NHS: variants seen among roughly 807,000 people sequenced by gnomAD.
The protein encoded by NHS is NHS actin remodeling regulator.
Under a neutral mutation model 72.5 loss-of-function variants are expected in NHS, and 5 were observed. The ratio of observed to expected loss-of-function variants is 0.07; its 90% CI spans 0.04 to 0.14. NHS has a LOEUF of 0.14. NHS is among the 10% of genes least tolerant of loss of function. NHS has a pLI of 1.00. For missense variants in NHS, 1,072 were observed against 1,355.7 expected (o/e 0.79, Z 3.29); for synonymous variants, 464 against 547.7 (o/e 0.85, Z 2.13).
chrX:17,605,859 G>T (rs754374555), intron 1 of NHS, among the ~76,000 whole-genome samples: 1 of 111,920 alleles, frequency 8.9e-6, no homozygotes, highest in Non-Finnish European at 1.9e-5. Context: ...TAACTTTCCA[G>T]CTCTGTTGCC....
At chrX:17,560,790 T>A (rs916130087) in intron 1 of NHS, among the ~76,000 whole-genome samples, 2 of 112,548 alleles carry the variant, frequency 1.8e-5, no homozygotes, top group East Asian at 5.6e-4. Context: ...GGTGATCACA[T>A]TCTTTAGACA....
chrX:17,450,981 T>G (rs985698564), intron 1 of NHS, among the ~76,000 whole-genome samples: 2 of 112,272 alleles, frequency 1.8e-5, no homozygotes, highest in African/African-American at 3.2e-5. Context: ...AAAAGATGGC[T>G]ATTAAGTACT....
intron 1 of NHS, among the ~76,000 whole-genome samples, chrX:17,390,733 A>C (rs1191111752): frequency 8.9e-6 from 1 of 112,356 alleles, no homozygotes; most frequent in African/African-American, 3.2e-5. Flanking sequence ...TCATCTGGCA[A>C]ACTTTTAGCC....
intron 1 of NHS, among the ~76,000 whole-genome samples, chrX:17,409,878 A>T (rs2064549146): frequency 8.9e-6 from 1 of 111,879 alleles, no homozygotes; most frequent in African/African-American, 3.3e-5. Context: ...TGGGGTAATA[A>T]TGAGGCCTAG....
chrX:17,403,266 C>T (rs961734803), intron 1 of NHS, among the ~76,000 whole-genome samples: 4 of 112,115 alleles, frequency 3.6e-5, no homozygotes, highest in Non-Finnish European at 7.5e-5. Flanking sequence ...CATGGCCACA[C>T]CTAACTGCAG....
chrX:17,492,026 CTTCT>C (rs1338926321), intron 1 of NHS, among the ~76,000 whole-genome samples: 1 of 110,088 alleles, frequency 9.1e-6, no homozygotes, highest in Non-Finnish European at 1.9e-5. Flanking sequence ...TTTCTCTTTT[CTTCT>C]TTATTAGTCT....
intron 1 of NHS, among the ~76,000 whole-genome samples, chrX:17,550,281 G>C (rs1489451936): frequency 8.9e-6 from 1 of 112,000 alleles, no homozygotes; most frequent in African/African-American, 3.3e-5. Context: ...ACTTGGCATT[G>C]CCTCTCAGAG....
At chrX:17,610,012 A>G (rs752957263) in intron 1 of NHS, among the ~76,000 whole-genome samples, 8 of 112,193 alleles carry the variant, frequency 7.1e-5, no homozygotes, top group Non-Finnish European at 1.1e-4. Context: ...TTGGAAGTCC[A>G]TCAGCATGTT....
chrX:17,599,751 G>A (rs1488587745), intron 1 of NHS, among the ~76,000 whole-genome samples: 2 of 111,053 alleles, frequency 1.8e-5, no homozygotes, highest in African/African-American at 3.3e-5. Flanking sequence ...ATTATTTAAC[G>A]GGATGGGTTG....
intron 1 of NHS, among the ~76,000 whole-genome samples, chrX:17,548,254 G>A (rs1165298895): frequency 9.0e-6 from 1 of 111,273 alleles, no homozygotes; most frequent in Non-Finnish European, 1.9e-5. Context: ...AAATGGTGAG[G>A]CCATTAAGAG....
At chrX:17,477,900 C>T (rs903095255) in intron 1 of NHS, among the ~76,000 whole-genome samples, 2 of 111,598 alleles carry the variant, frequency 1.8e-5, no homozygotes, top group African/African-American at 6.5e-5. Context: ...TTTTTGCAAA[C>T]AATCTACCAT....
chrX:17,712,799 C>A (rs1261280388), intron 3 of NHS, among the ~76,000 whole-genome samples: 1 of 110,847 alleles, frequency 9.0e-6, no homozygotes, highest in Non-Finnish European at 1.9e-5. Flanking sequence ...TTAAGGATGG[C>A]ATGCCAGGTG....
chrX:17,490,749 A>G (rs1208896010), intron 1 of NHS, among the ~76,000 whole-genome samples: 1 of 111,954 alleles, frequency 8.9e-6, no homozygotes, highest in Non-Finnish European at 1.9e-5. Flanking sequence ...GATTCTTCCT[A>G]TCCATGAGCA....
chrX:17,508,413 A>G (rs1421036564), intron 1 of NHS, among the ~76,000 whole-genome samples: 1 of 112,048 alleles, frequency 8.9e-6, no homozygotes, highest in Non-Finnish European at 1.9e-5. Flanking sequence ...ATTCCTTTTT[A>G]TGGCAGAATA....
At chrX:17,461,858 T>C (rs746519305) in intron 1 of NHS, among the ~76,000 whole-genome samples, 7 of 112,231 alleles carry the variant, frequency 6.2e-5, no homozygotes, top group Non-Finnish European at 1.3e-4. Context: ...TTCTCTTCCA[T>C]GTGGTCTCTT....
chrX:17,517,323 G>C (rs960412725), intron 1 of NHS, among the ~76,000 whole-genome samples: 1 of 112,025 alleles, frequency 8.9e-6, no homozygotes, highest in African/African-American at 3.2e-5. Flanking sequence ...TGAGGAGTTT[G>C]TTGTTAAATG....
intron 1 of NHS, among the ~76,000 whole-genome samples, chrX:17,590,382 AACAG>A (rs2065597628): frequency 8.9e-6 from 1 of 112,287 alleles, no homozygotes; most frequent in South Asian, 3.7e-4. Flanking sequence ...AATGATCAAC[AACAG>A]ACAATTTATT....
rs140793463 is a variant in NHS at position 17,422,512 on chromosome X, G to C, written c.565+46190G>C. Among the ~76,000 whole-genome samples, 950 of 111,483 alleles carry C rather than the reference G, an allele frequency of 8.5e-3. 12 individuals carry two copies. The highest frequency in any genetic ancestry group is 0.029 in the African/African-American group (903 of 30,615). On this transcript the variant is annotated intron_variant, in intron 1 of 8. Coordinates refer to ENST00000676302, the MANE Select transcript of NHS (RefSeq NM_001291867.2). ...AGGGTTTCCCACCCTCAGCACTACT[G>C]ACATTTGGGGCTGGATCATTCTTTG...
At chrX:17,583,883 T>C (rs1022370496) in intron 1 of NHS, among the ~76,000 whole-genome samples, 1 of 112,388 alleles carries the variant, frequency 8.9e-6, no homozygotes, top group African/African-American at 3.2e-5. Context: ...AAAATATATT[T>C]AGGCCATTTC....
Sources: gnomAD v4.1 joint callset for allele counts (sites outside exome capture counted in the v4.1 genomes callset) on GRCh38, gnomAD v4.1.1 for gene constraint, MANE v1.5 for transcripts, NCBI Gene and HGNC (gene_info 2026-07-23, HGNC 2026-07-21) for gene names.